Variants in ARSB observed in about 807,000 individuals in gnomAD.
The protein encoded by ARSB is N-acetylgalactosamine-4-sulfatase.
Under a neutral mutation model 50.9 loss-of-function variants are expected in ARSB, and 41 were observed. That is an observed-to-expected ratio of 0.81 (90% CI 0.63 to 1.04). The LOEUF is 1.04. Ranked by LOEUF, ARSB falls within the 50% of genes least tolerant of loss-of-function variation. ARSB has a pLI of 0.00. For synonymous variants in ARSB, 269 were observed against 284.8 expected (o/e 0.94, Z 0.56); for missense variants, 672 against 693.3 (o/e 0.97, Z 0.35).
intron 6 of ARSB, 101 bp downstream of exon 6, chr5:78,839,255 C>T (rs1342807645): frequency 8.5e-7 from 1 of 1,170,298 alleles, no homozygotes; most frequent in African/African-American, 1.5e-5. Context: ...TTTATAGCAA[C>T]TCAGGAAAAA....
rs1054936889 is a variant in ARSB at position 78,869,784 on chromosome 5, G to A, written c.1142+15800C>T. The stretch of plus-strand genomic sequence containing the variant: ...AAAGCAAGAGCAAACACATTCAAAA[G>A]CTAGCAGAAGGCAAGAAATAACTAA... On this transcript the variant is annotated intron_variant, in intron 5 of 7. Coordinates refer to ENST00000264914, the MANE Select transcript of ARSB (RefSeq NM_000046.5). Among the ~76,000 whole-genome samples the A allele has an allele frequency of 2.6e-3, 366 of 143,468 alleles. 1 individual carries two copies. The highest frequency in any genetic ancestry group is 8.6e-3 in the African/African-American group (338 of 39,298). 94.1% of individuals were successfully genotyped at this position (143,468 alleles called of 152,430 possible). A position where few individuals can be genotyped will look rare whatever the true frequency, so the allele number is the denominator to read the frequency against.
At chr5:78,816,640 A>T (rs1744003524) in intron 6 of ARSB, among the ~76,000 whole-genome samples, 1 of 152,190 alleles carries the variant, frequency 6.6e-6, no homozygotes, top group Admixed American at 6.5e-5. Context: ...AAAAGTAGGG[A>T]ATTTTCTCCA....
chr5:78,810,989 CA>C (rs1460155671), intron 6 of ARSB, among the ~76,000 whole-genome samples: 1 of 152,180 alleles, frequency 6.6e-6, no homozygotes, highest in Non-Finnish European at 1.5e-5. Flanking sequence ...TCAGATCCTA[CA>C]ATGTTAGATT....
chr5:78,913,806 A>C (rs955690727), intron 4 of ARSB, among the ~76,000 whole-genome samples: 1 of 152,188 alleles, frequency 6.6e-6, no homozygotes, highest in Non-Finnish European at 1.5e-5. Flanking sequence ...TAGTCACCTC[A>C]ATAATGATTT....
chr5:78,918,790 T>C (rs1469100198), intron 4 of ARSB, among the ~76,000 whole-genome samples: 1 of 152,204 alleles, frequency 6.6e-6, no homozygotes, highest in Non-Finnish European at 1.5e-5. Context: ...AACATTTTTT[T>C]CTCAGTTCAA....
chr5:78,838,483 T>C (rs909511602), intron 6 of ARSB, among the ~76,000 whole-genome samples: 3 of 152,170 alleles, frequency 2.0e-5, no homozygotes, highest in African/African-American at 7.2e-5. Context: ...CAGGAATCTC[T>C]GAATGAGAAT....
intron 6 of ARSB, among the ~76,000 whole-genome samples, chr5:78,788,157 C>T (rs149941798): frequency 2.6e-5 from 4 of 152,270 alleles, no homozygotes; most frequent in East Asian, 1.9e-4. Context: ...AAATTTTTCT[C>T]GTTTCCTTCT....
chr5:78,963,671 T>G (rs1752090452), intron 3 of ARSB, among the ~76,000 whole-genome samples: 1 of 152,128 alleles, frequency 6.6e-6, no homozygotes, highest in African/African-American at 2.4e-5. Context: ...AATAATAAGA[T>G]TATTCATGTG....
intron 6 of ARSB, among the ~76,000 whole-genome samples, chr5:78,809,628 G>A (rs745984438): frequency 3.3e-5 from 5 of 152,268 alleles, no homozygotes; most frequent in Non-Finnish European, 7.3e-5. Context: ...GTCAGGCTGA[G>A]GGCCGCCAGA....
At chr5:78,899,634 G>A (rs1417378471) in intron 4 of ARSB, among the ~76,000 whole-genome samples, 1 of 152,044 alleles carries the variant, frequency 6.6e-6, no homozygotes, top group Non-Finnish European at 1.5e-5. Flanking sequence ...CTTCAGTTTG[G>A]CAAATGTATT....
intron 4 of ARSB, among the ~76,000 whole-genome samples, chr5:78,941,880 T>A (rs931266478): frequency 3.3e-5 from 5 of 152,238 alleles, no homozygotes; most frequent in African/African-American, 7.2e-5. Flanking sequence ...CTTGTACCTC[T>A]GGTAGAATTC....
chr5:78,866,944 C>T (rs190972224), intron 5 of ARSB, among the ~76,000 whole-genome samples: 174 of 152,346 alleles, frequency 1.1e-3, no homozygotes, highest in African/African-American at 4.0e-3. Context: ...ACAGTGGGCG[C>T]AGGCCAGTGG....
intron 4 of ARSB, among the ~76,000 whole-genome samples, chr5:78,939,086 G>A (rs1750771499): frequency 6.6e-6 from 1 of 152,154 alleles, no homozygotes; most frequent in Admixed American, 6.5e-5. Context: ...CTACTGCTAT[G>A]TGGATTATGT....
intron 4 of ARSB, among the ~76,000 whole-genome samples, chr5:78,931,682 A>ACT (rs34498684): frequency 0.62 from 93,461 of 150,810 alleles, 29,884 homozygotes; most frequent in African/African-American, 0.81. Context: ...TGAAAACATG[A>ACT]CTCTACAAAA....
intron 4 of ARSB, among the ~76,000 whole-genome samples, chr5:78,892,614 G>A (rs1392507419): frequency 6.6e-6 from 1 of 152,100 alleles, no homozygotes; most frequent in Non-Finnish European, 1.5e-5. Context: ...TGAATTGTGA[G>A]GGGGGTTGTT....
chr5:78,800,693 T>C (rs1488471134), intron 6 of ARSB, among the ~76,000 whole-genome samples: 1 of 152,084 alleles, frequency 6.6e-6, no homozygotes, highest in Non-Finnish European at 1.5e-5. Context: ...TTAGAATGAA[T>C]TGGGAGAATA....
intron 6 of ARSB, among the ~76,000 whole-genome samples, chr5:78,798,493 G>A (rs1235695342): frequency 6.6e-6 from 1 of 151,942 alleles, no homozygotes; most frequent in African/African-American, 2.4e-5. Context: ...GATGAAAGGA[G>A]AAAGACCCCC....
intron 5 of ARSB, among the ~76,000 whole-genome samples, chr5:78,849,531 AT>A (rs1183628998): frequency 6.6e-6 from 1 of 151,918 alleles, no homozygotes; most frequent in Non-Finnish European, 1.5e-5. Flanking sequence ...TTGGCTTAGG[AT>A]TGACTTGGCA....
At chr5:78,798,506 G>A (rs537891986) in intron 6 of ARSB, among the ~76,000 whole-genome samples, 8 of 151,264 alleles carry the variant, frequency 5.3e-5, no homozygotes, top group Admixed American at 2.0e-4. Flanking sequence ...AGACCCCCCC[G>A]CCCCCTACAT....
Sources: gnomAD v4.1 joint callset for allele counts (sites outside exome capture counted in the v4.1 genomes callset) on GRCh38, gnomAD v4.1.1 for gene constraint, MANE v1.5 for transcripts, NCBI Gene and HGNC (gene_info 2026-07-23, HGNC 2026-07-21) for gene names.